Variants in LY75 observed in about 807,000 individuals in gnomAD.
The protein encoded by LY75 is lymphocyte antigen 75.
Under a neutral mutation model 231.7 loss-of-function variants are expected in LY75, and 185 were observed. That is an observed-to-expected ratio of 0.80 (90% CI 0.71 to 0.90). The LOEUF (loss-of-function observed/expected upper bound fraction) is 0.90, where lower values mean the gene tolerates loss of function less well. Ranked by LOEUF, LY75 falls within the 40% of genes least tolerant of loss-of-function variation. The probability of loss-of-function intolerance (pLI) is 0.00; values close to 1 mark genes in which losing one functional copy is unlikely to be tolerated. For missense variants in LY75, 1,947 were observed against 2,050.2 expected (o/e 0.95, Z 0.97); for synonymous variants, 668 against 689.0 (o/e 0.97, Z 0.48).
Position 159,835,549 on chromosome 2 carries a change from T to A in LY75, c.3604A>T (p.Thr1202Ser). The change falls in exon 26 of 35, where the codon ACT (threonine) becomes TCT (serine). Residue 1202 changes from threonine (T) to serine (S), a missense_variant. Transcript: ENST00000263636. ...TCAACTGTTTTCCAGAATCCATCAG[T>A]GTCTAATACTACACAGTCTTCGAGT... The part of the protein sequence containing the change: ...GQLEDCVVLD[T>S]DGFWKTVDCN... The A allele has an allele frequency of 6.2e-7, 1 of 1,613,534 alleles. No homozygotes were observed. The highest frequency in any genetic ancestry group is 1.1e-5 in the South Asian group (1 of 90,908).
intron 9 of LY75, among the ~76,000 whole-genome samples, chr2:159,879,040 A>G (rs1014106426): frequency 9.2e-5 from 14 of 152,236 alleles, no homozygotes; most frequent in African/African-American, 3.4e-4. Flanking sequence ...CCTTGAGGAT[A>G]GTAATTCTAC....
intron 26 of LY75, 99 bp downstream of exon 26, chr2:159,835,381 C>T (rs1683787507): frequency 2.3e-6 from 3 of 1,322,362 alleles, no homozygotes; most frequent in Non-Finnish European, 3.0e-6. Context: ...AATTTCTTCA[C>T]AATTCCAAAA....
intron 31 of LY75, chr2:159,813,945 A>T (rs1683040723): frequency 6.6e-6 from 1 of 152,200 alleles, no homozygotes; most frequent in African/African-American, 2.4e-5. Context: ...CTAACAACTG[A>T]GAAGTCAGTT....
At chr2:159,834,457 T>G (rs1471258623) in intron 26 of LY75, among the ~76,000 whole-genome samples, 1 of 152,204 alleles carries the variant, frequency 6.6e-6, no homozygotes, top group Non-Finnish European at 1.5e-5. Flanking sequence ...GAGGTGCTAT[T>G]AGGTTAAATG....
At chr2:159,844,477 C>A (rs912536878) in intron 23 of LY75, among the ~76,000 whole-genome samples, 1 of 151,970 alleles carries the variant, frequency 6.6e-6, no homozygotes. Context: ...GTTTAACAAC[C>A]TGTTGAGGTC....
intron 32 of LY75, 91 bp downstream of exon 32, chr2:159,810,435 T>G: frequency 6.6e-7 from 1 of 1,519,592 alleles, no homozygotes; most frequent in South Asian, 1.3e-5. Flanking sequence ...AAAAATATTT[T>G]CAAAAATACA....
intron 28 of LY75, among the ~76,000 whole-genome samples, chr2:159,820,712 G>A (rs749681258): frequency 1.3e-4 from 20 of 152,090 alleles, no homozygotes; most frequent in African/African-American, 1.9e-4. Context: ...TTACATATAC[G>A]TTTAATTGCA....
At chr2:159,823,328 C>G (rs1207308492) in intron 28 of LY75, among the ~76,000 whole-genome samples, 2 of 152,008 alleles carry the variant, frequency 1.3e-5, no homozygotes, top group Non-Finnish European at 2.9e-5. Flanking sequence ...CTGAATTGAT[C>G]AAGCGGAAGA....
At chr2:159,866,533 T>G (rs554225767) in intron 13 of LY75, among the ~76,000 whole-genome samples, 2 of 152,232 alleles carry the variant, frequency 1.3e-5, no homozygotes, top group Non-Finnish European at 2.9e-5. Context: ...CAGTTTAAAT[T>G]TAGTAGCTAC....
chr2:159,902,494 C>T (rs2125888617), intron 1 of LY75: 1 of 152,328 alleles, frequency 6.6e-6, no homozygotes, highest in East Asian at 1.9e-4. Context: ...GAGCTTCACA[C>T]ATTCCAAAGA....
chr2:159,865,591 AG>A (rs2125863451), intron 13 of LY75, among the ~76,000 whole-genome samples: 1 of 152,316 alleles, frequency 6.6e-6, no homozygotes, highest in South Asian at 2.1e-4. Flanking sequence ...TGAACAAAAA[AG>A]TAAAGACCAT....
rs1233009235 is a variant in LY75 at position 159,893,910 on chromosome 2, A to C, written c.637+4T>G. ...CCACATAAAATTTACCAGCCCATAC[A>C]TACCAGGCTTTAAGCAGATGCCCCA... is the stretch of plus-strand genomic sequence containing the variant. On this transcript the variant is annotated splice_donor_region_variant and intron_variant, in intron 3 of 34. Transcript: ENST00000263636. 6.2e-7 allele frequency: 1 copy of C among 1,606,692 alleles called. No individual in the cohort carries two copies. The highest frequency in any genetic ancestry group is 8.5e-7 in the Non-Finnish European group (1 of 1,176,536).
intron 1 of LY75, among the ~76,000 whole-genome samples, chr2:159,899,767 G>A (rs1686018498): frequency 6.6e-6 from 1 of 152,192 alleles, no homozygotes; most frequent in South Asian, 2.1e-4. Context: ...TATCTCAGAG[G>A]AAATGGGGAA....
chr2:159,886,641 G>A, intron 4 of LY75, 111 bp from the exon 5 acceptor site: 1 of 1,116,146 alleles, frequency 9.0e-7, no homozygotes, highest in Non-Finnish European at 1.2e-6. Context: ...TTGTAAGGCA[G>A]CAATCCCTGT....
chr2:159,872,703 G>T, intron 12 of LY75, 110 bp from the exon 13 acceptor site: 1 of 1,233,962 alleles, frequency 8.1e-7, no homozygotes, highest in Non-Finnish European at 1.1e-6. Flanking sequence ...ATTCTTAAAG[G>T]TGTAGTGAAG....
chr2:159,850,805 C>A (rs55825452), intron 21 of LY75, among the ~76,000 whole-genome samples: 12 of 50,992 alleles, frequency 2.4e-4, no homozygotes, highest in African/African-American at 6.8e-4. Flanking sequence ...TATATTATAT[C>A]TTATATATAA....
At chr2:159,818,074 TAATAA>T (rs1280308520) in intron 29 of LY75, among the ~76,000 whole-genome samples, 5 of 151,642 alleles carry the variant, frequency 3.3e-5, no homozygotes, top group Non-Finnish European at 5.9e-5. Context: ...ATAAATAAAA[TAATAA>T]AATAAAATAA....
chr2:159,887,580 A>G (rs949823126), intron 4 of LY75, among the ~76,000 whole-genome samples: 4 of 150,430 alleles, frequency 2.7e-5, no homozygotes, highest in Admixed American at 1.3e-4. Flanking sequence ...AAAAAAAAAA[A>G]AAAAGAAAAA....
intron 8 of LY75, 75 bp downstream of exon 8, chr2:159,881,008 C>T: frequency 6.5e-7 from 1 of 1,532,710 alleles, no homozygotes; most frequent in Non-Finnish European, 8.8e-7. Context: ...ACGCAAACTT[C>T]CCAACCAAAG....
Sources: gnomAD v4.1 joint callset for allele counts (sites outside exome capture counted in the v4.1 genomes callset) on GRCh38, gnomAD v4.1.1 for gene constraint, MANE v1.5 for transcripts, NCBI Gene and HGNC (gene_info 2026-07-23, HGNC 2026-07-21) for gene names.